MYO5A: variants seen among roughly 807,000 people sequenced by gnomAD.
MYO5A encodes unconventional myosin-Va.
Under a neutral mutation model 249.7 loss-of-function variants are expected in MYO5A, and 98 were observed. The ratio of observed to expected loss-of-function variants is 0.39; its 90% CI spans 0.33 to 0.46. The LOEUF is 0.46. Among genes scored for constraint, MYO5A ranks in the 20% least tolerant of loss-of-function variants. The probability of loss-of-function intolerance (pLI) is 0.98; values close to 1 mark genes in which losing one functional copy is unlikely to be tolerated. For missense variants in MYO5A, 1,696 were observed against 2,308.8 expected (o/e 0.73, Z 5.44); for synonymous variants, 778 against 810.6 (o/e 0.96, Z 0.68).
chr15:52,443,426 T>C (rs984141356), intron 1 of MYO5A, among the ~76,000 whole-genome samples: 2 of 152,208 alleles, frequency 1.3e-5, no homozygotes, highest in Non-Finnish European at 2.9e-5. Context: ...ACCTTGCATA[T>C]ACTGTGAAAT....
intron 1 of MYO5A, among the ~76,000 whole-genome samples, chr15:52,471,697 G>A (rs527708440): frequency 6.6e-6 from 1 of 151,994 alleles, no homozygotes; most frequent in South Asian, 2.1e-4. Flanking sequence ...TTTTATTTTT[G>A]GGGAGAGCTG....
At chr15:52,522,382 C>G (rs183856966) in intron 1 of MYO5A, among the ~76,000 whole-genome samples, 2 of 152,026 alleles carry the variant, frequency 1.3e-5, no homozygotes, top group Admixed American at 1.3e-4. Context: ...TGGGGTGGTG[C>G]TGGGGAGAAA....
chr15:52,505,656 G>A (rs1341212386), intron 1 of MYO5A: 6 of 1,256,614 alleles, frequency 4.8e-6, no homozygotes, highest in East Asian at 2.3e-5. Context: ...CAGATATGGC[G>A]AAATTAGAGG....
intron 4 of MYO5A, among the ~76,000 whole-genome samples, chr15:52,425,347 G>GGTTT (rs111457486): frequency 0.072 from 10,919 of 151,322 alleles, 698 homozygotes; most frequent in African/African-American, 0.17. Context: ...AAATGTGAGG[G>GGTTT]GTTTGTTTGT....
intron 1 of MYO5A, among the ~76,000 whole-genome samples, chr15:52,482,418 G>C (rs1724638): frequency 0.75 from 113,788 of 152,100 alleles, 43,878 homozygotes; most frequent in Non-Finnish European, 0.83. Flanking sequence ...CTGGGAAAAA[G>C]AGGAGTCAAC....
At chr15:52,435,083 G>A (rs114102817) in intron 1 of MYO5A, among the ~76,000 whole-genome samples, 1 of 152,298 alleles carries the variant, frequency 6.6e-6, no homozygotes, top group African/African-American at 2.4e-5. Flanking sequence ...CTGGAAGCTT[G>A]TAACAAGGTC....
chr15:52,442,864 TCTTC>T (rs780887073), intron 1 of MYO5A, among the ~76,000 whole-genome samples: 3 of 151,936 alleles, frequency 2.0e-5, no homozygotes, highest in Admixed American at 1.3e-4. Context: ...CGAGCGATTC[TCTTC>T]CCTCAGCCTC....
At chr15:52,504,884 A>AAT (rs1430534050) in intron 1 of MYO5A, among the ~76,000 whole-genome samples, 1 of 146,378 alleles carries the variant, frequency 6.8e-6, no homozygotes, top group Non-Finnish European at 1.5e-5. Context: ...GCGAGACTCC[A>AAT]TCTCAAAAAA....
intron 2 of MYO5A, among the ~76,000 whole-genome samples, chr15:52,429,692 A>T (rs1042808049): frequency 1.4e-5 from 1 of 73,840 alleles, no homozygotes; most frequent in African/African-American, 3.2e-5. Flanking sequence ...CCATCTCAAA[A>T]AAAAACAAAA....
chr15:52,399,440 C>G (rs905498815), intron 9 of MYO5A, among the ~76,000 whole-genome samples: 51 of 152,268 alleles, frequency 3.3e-4, no homozygotes, highest in African/African-American at 1.2e-3. Flanking sequence ...CAGGCACACA[C>G]CATGCACAGT....
chr15:52,486,723 A>G (rs1178381819), intron 1 of MYO5A, among the ~76,000 whole-genome samples: 13 of 152,322 alleles, frequency 8.5e-5, no homozygotes, highest in Middle Eastern at 3.4e-3. Context: ...GGAGAGCAGT[A>G]TTACACTTTC....
In MYO5A at chr15:52,519,887, C is replaced by T. The variant is rs147511143; in HGVS notation, c.27+8893G>A. Among the ~76,000 whole-genome samples, 922 of 152,068 alleles carry T rather than the reference C, an allele frequency of 6.1e-3. 8 individuals are homozygous for T. Among genetic ancestry groups the T allele is most frequent in the African/African-American group, 0.021 (882 of 41,476 alleles). Reference sequence around the variant, plus strand: ...CTGGGATTACAGGCACACGCCACCACGCCCGGCTAATTTTTGTATTTTTAG... The same window carrying T: ...CTGGGATTACAGGCACACGCCACCATGCCCGGCTAATTTTTGTATTTTTAG... On this transcript the variant is annotated intron_variant, in intron 1 of 41. Coordinates refer to ENST00000399233, the MANE Select transcript of MYO5A (RefSeq NM_001382347.1).
intron 1 of MYO5A, among the ~76,000 whole-genome samples, chr15:52,453,295 C>G (rs1036828678): frequency 1.3e-5 from 2 of 151,818 alleles, no homozygotes; most frequent in South Asian, 4.2e-4. Flanking sequence ...TGCTGAAAGA[C>G]AAAAAAACCC....
At chr15:52,413,310 TA>T (rs879526439) in intron 5 of MYO5A, among the ~76,000 whole-genome samples, 183 of 144,744 alleles carry the variant, frequency 1.3e-3, no homozygotes, top group Admixed American at 1.4e-3. Flanking sequence ...CCCTGTCTCT[TA>T]AAAAAAAAAA....
chr15:52,330,577 T>C (rs1387637966), intron 34 of MYO5A, 78 bp from the exon 35 acceptor site: 2 of 1,536,972 alleles, frequency 1.3e-6, no homozygotes, highest in African/African-American at 2.7e-5. Flanking sequence ...CCTATAATTT[T>C]GAATGCATTC....
At chr15:52,447,471 A>C (rs938132602) in intron 1 of MYO5A, among the ~76,000 whole-genome samples, 5 of 152,196 alleles carry the variant, frequency 3.3e-5, no homozygotes, top group African/African-American at 1.2e-4. Flanking sequence ...ATAGCAATGC[A>C]AGAACAAACT....
chr15:52,387,796 A>G (rs1442937272), intron 14 of MYO5A, 33 bp downstream of exon 14: 4 of 1,444,938 alleles, frequency 2.8e-6, no homozygotes, highest in Non-Finnish European at 3.9e-6. Context: ...CTTTGCATAC[A>G]TCCTGGATTA....
chr15:52,435,056 G>C (rs180942955), intron 1 of MYO5A, among the ~76,000 whole-genome samples: 6 of 152,294 alleles, frequency 3.9e-5, no homozygotes, highest in Non-Finnish European at 4.4e-5. Context: ...ACTATTCTAA[G>C]TACTGGGCAC....
intron 1 of MYO5A, among the ~76,000 whole-genome samples, chr15:52,451,413 G>A (rs556554315): frequency 3.9e-5 from 6 of 152,270 alleles, no homozygotes; most frequent in African/African-American, 1.4e-4. Context: ...CTATTCAGCA[G>A]CCAGAGTGAT....
Sources: allele counts gnomAD v4.1 joint callset (sites outside exome capture counted in the v4.1 genomes callset), GRCh38; gene constraint gnomAD v4.1.1; transcripts MANE v1.5; gene names NCBI Gene and HGNC (gene_info 2026-07-23, HGNC 2026-07-21).